The following UBE2G1 variants were observed in gnomAD, a reference collection of about 807,000 sequenced individuals.
UBE2G1 encodes the protein ubiquitin conjugating enzyme E2 G1, also known as ubiquitin-conjugating enzyme E2 G1.
A neutral mutation model predicts 22.7 loss-of-function variants in UBE2G1; 5 were observed. That is an observed-to-expected ratio of 0.22 (90% CI 0.12 to 0.46). The LOEUF (loss-of-function observed/expected upper bound fraction) is 0.46, where lower values mean the gene tolerates loss of function less well. Ranked by LOEUF, UBE2G1 falls within the 20% of genes least tolerant of loss-of-function variation. The pLI is 0.99. For missense variants in UBE2G1, 88 were observed against 203.9 expected, an observed-to-expected ratio of 0.43 and a Z score of 3.46; for synonymous variants, 74 against 67.5, an observed-to-expected ratio of 1.10 and a Z score of -0.47.
At chr17:4,300,946 A>AAAGAG (rs796280810) in intron 2 of UBE2G1, among the ~76,000 whole-genome samples, 1 of 151,518 alleles carries the variant, frequency 6.6e-6, no homozygotes, top group African/African-American at 2.4e-5. Context: ...ACAAAAAAAA[A>AAAGAG]AGAGAGAGAG....
intron 1 of UBE2G1, among the ~76,000 whole-genome samples, chr17:4,362,410 AC>A (rs1969979915): frequency 6.6e-6 from 1 of 152,172 alleles, no homozygotes; most frequent in Admixed American, 6.6e-5. Context: ...GGAGTATGCT[AC>A]TGGCATCTAG....
chr17:4,282,759 T>G, intron 5 of UBE2G1, 39 bp downstream of exon 5: 10 of 1,400,066 alleles, frequency 7.1e-6, no homozygotes, highest in Non-Finnish European at 9.8e-6. Context: ...ATAGGATACT[T>G]ACAAAAAAAC....
chr17:4,340,261 C>T (rs2143795533), intron 1 of UBE2G1, among the ~76,000 whole-genome samples: 1 of 152,304 alleles, frequency 6.6e-6, no homozygotes, highest in South Asian at 2.1e-4. Flanking sequence ...TCCTTGCATC[C>T]TCCGTCTTGC....
chr17:4,316,214 T>C (rs1969370195), intron 1 of UBE2G1, among the ~76,000 whole-genome samples: 1 of 152,182 alleles, frequency 6.6e-6, no homozygotes, highest in Non-Finnish European at 1.5e-5. Context: ...TGTGGTCTCC[T>C]GCTCCGGGAA....
At chr17:4,322,702 T>C (rs1374989423) in intron 1 of UBE2G1, among the ~76,000 whole-genome samples, 1 of 152,202 alleles carries the variant, frequency 6.6e-6, no homozygotes, top group East Asian at 1.9e-4. Context: ...TGCATTTATT[T>C]AAAGGCAAGG....
In UBE2G1 at chr17:4,282,792, A is replaced by T; in HGVS notation, c.*37+6T>A. The T allele has an allele frequency of 1.3e-6, 2 of 1,558,240 alleles. No homozygotes were observed. The highest frequency in any genetic ancestry group is 1.8e-6 in the Non-Finnish European group (2 of 1,142,718). On this transcript the variant is annotated splice_donor_region_variant and intron_variant, in intron 5 of 5. Transcript: ENST00000396981. ...AACAAAAGTATGATATTTAAAATAA[A>T]CTTACCCTGAAATAAGTGAAGTTAC... is the stretch of plus-strand genomic sequence containing the variant.
At chr17:4,292,874 CTAAT>C (rs1969058881) in intron 3 of UBE2G1, among the ~76,000 whole-genome samples, 1 of 152,166 alleles carries the variant, frequency 6.6e-6, no homozygotes, top group African/African-American at 2.4e-5. Flanking sequence ...ACTGGTTTAA[CTAAT>C]TATCTAACTG....
chr17:4,272,261 GTATA>G lies in UBE2G1; in HGVS notation c.*289_*292del, dbSNP rs67355760. 2,262 of 153,364 alleles carry G rather than the reference GTATA, an allele frequency of 0.015. 37 individuals are homozygous for G. The highest frequency in any genetic ancestry group is 0.027 in the South Asian group (136 of 5,128). 9.5% of individuals were successfully genotyped at this position (153,364 alleles called of 1,614,324 possible). ...GTGTATTTGTGGATGTACATGAACAGTATATATATTATCCGGATCATGTTGTGCT... is the reference window on the plus strand; with the variant it reads ...GTGTATTTGTGGATGTACATGAACAGTATATTATCCGGATCATGTTGTGCT... On this transcript the variant is annotated 3_prime_UTR_variant, in exon 6 of 6. Transcript: ENST00000396981.
At chr17:4,301,503 CG>C (rs1555520759) in intron 2 of UBE2G1, 7 of 963,076 alleles carry the variant, frequency 7.3e-6, no homozygotes, top group Admixed American at 5.2e-5. Flanking sequence ...TCAGGATAAA[CG>C]GAACAGGCAG....
intron 4 of UBE2G1, 114 bp from the exon 5 acceptor site, chr17:4,283,035 A>G: frequency 1.2e-6 from 1 of 869,074 alleles, no homozygotes. Flanking sequence ...CTTCAGAAAC[A>G]TTATAGAGTT....
At chr17:4,350,368 A>G (rs1305027820) in intron 1 of UBE2G1, among the ~76,000 whole-genome samples, 2 of 152,194 alleles carry the variant, frequency 1.3e-5, no homozygotes, top group African/African-American at 4.8e-5. Context: ...CTGAGGTGGG[A>G]GAATTGCTTG....
chr17:4,324,243 C>T (rs944092997), intron 1 of UBE2G1, among the ~76,000 whole-genome samples: 1 of 152,168 alleles, frequency 6.6e-6, no homozygotes, highest in Non-Finnish European at 1.5e-5. Flanking sequence ...TAGGTTAGAC[C>T]TGCACTTTCT....
chr17:4,330,976 C>CCACACACACATACACA (rs371710129), intron 1 of UBE2G1, among the ~76,000 whole-genome samples: 4 of 143,576 alleles, frequency 2.8e-5, no homozygotes, highest in African/African-American at 1.1e-4. Flanking sequence ...ACCTTTAAAA[C>CCACACACACATACACA]CACACACACA....
At chr17:4,341,031 T>C (rs1235287273) in intron 1 of UBE2G1, among the ~76,000 whole-genome samples, 1 of 149,408 alleles carries the variant, frequency 6.7e-6, no homozygotes, top group Non-Finnish European at 1.5e-5. Context: ...AGTAGCACCT[T>C]TGGTGCCCAG....
chr17:4,305,055 C>T (rs1481490509), intron 2 of UBE2G1, among the ~76,000 whole-genome samples: 3 of 150,984 alleles, frequency 2.0e-5, no homozygotes, highest in African/African-American at 2.4e-5. Context: ...TGGATTCAAG[C>T]GATTCTCCTG....
chr17:4,284,323 G>T (rs1028786303), intron 4 of UBE2G1, among the ~76,000 whole-genome samples: 1 of 151,900 alleles, frequency 6.6e-6, no homozygotes, highest in African/African-American at 2.4e-5. Context: ...GCTAGGCTGG[G>T]TGTGGTGGCT....
chr17:4,274,600 T>C (rs891926824), intron 5 of UBE2G1, among the ~76,000 whole-genome samples: 1 of 152,036 alleles, frequency 6.6e-6, no homozygotes, highest in Admixed American at 6.6e-5. Context: ...TCCTGAGAGG[T>C]AGAACGACTG....
chr17:4,326,926 C>A (rs918380872), intron 1 of UBE2G1, among the ~76,000 whole-genome samples: 3 of 152,174 alleles, frequency 2.0e-5, no homozygotes, highest in African/African-American at 4.8e-5. Context: ...ACTTGGGAGG[C>A]CAAGGTGGGC....
Position 4,282,834 on chromosome 17 carries a change from G to A in UBE2G1, c.*1C>T, listed in dbSNP as rs372895053. On this transcript the variant is annotated 3_prime_UTR_variant, in exon 5 of 6. Coordinates refer to ENST00000396981, the MANE Select transcript of UBE2G1 (RefSeq NM_003342.5). ...TGAAGTTACTAGCTGCTAAATAAAT[G>A]TCACTCAAAAGCAGTCTCTTGGCTT... 20 of 1,608,862 alleles carry A rather than the reference G, an allele frequency of 1.2e-5. No homozygotes were observed. Among genetic ancestry groups the A allele is most frequent in the Non-Finnish European group, 1.7e-5 (20 of 1,177,968 alleles).
Sources: gnomAD v4.1 joint callset for allele counts (sites outside exome capture counted in the v4.1 genomes callset) on GRCh38, gnomAD v4.1.1 for gene constraint, MANE v1.5 for transcripts, NCBI Gene and HGNC (gene_info 2026-07-23, HGNC 2026-07-21) for gene names.